RIMOC1: variants seen among roughly 807,000 people sequenced by gnomAD.
The protein encoded by RIMOC1 is RAB7A interacting MON1-CCZ1 complex subunit 1, also known as RAB7A-interacting MON1-CCZ1 complex subunit 1.
chr5:41,904,371 G>A, the RIMOC1 span: 3 of 1,613,300 alleles, frequency 1.9e-6, no homozygotes, highest in Non-Finnish European at 2.5e-6. Context: ...TGTGGCCATG[G>A]CGGCCGCAGT....
At chr5:41,904,562 C>T in the RIMOC1 span, 1 of 1,198,048 alleles carries the variant, frequency 8.3e-7, no homozygotes. Flanking sequence ...GGCCTGTGTT[C>T]CTTTGGGTCC....
chr5:41,915,248 A>T, the RIMOC1 span, among the ~76,000 whole-genome samples: 1 of 152,194 alleles, frequency 6.6e-6, no homozygotes, highest in African/African-American at 2.4e-5. Context: ...CTGGAATCAC[A>T]TGGAGGTAAA....
chr5:41,919,677 C>T, the RIMOC1 span: 5 of 152,156 alleles, frequency 3.3e-5, no homozygotes, highest in Admixed American at 3.3e-4. Context: ...AGTAGCCTTG[C>T]ACACATCATT....
At chr5:41,918,110 C>T in the RIMOC1 span, 1 of 985,704 alleles carries the variant, frequency 1.0e-6, no homozygotes, top group Non-Finnish European at 1.2e-6. Flanking sequence ...AACTTGATAT[C>T]TTGCTCATGG....
chr5:41,916,867 T>G, the RIMOC1 span: 1 of 563,410 alleles, frequency 1.8e-6, no homozygotes, highest in Non-Finnish European at 2.9e-6. Flanking sequence ...ATGAAGATTG[T>G]GTTAGTCATA....
At chr5:41,909,963 T>C in the RIMOC1 span, 1 of 1,238,000 alleles carries the variant, frequency 8.1e-7, no homozygotes, top group Non-Finnish European at 1.1e-6. Flanking sequence ...TTGGAGTCTA[T>C]ATTTTTTTCT....
the RIMOC1 span, chr5:41,911,463 G>T: frequency 1.2e-3 from 212 of 180,804 alleles, 2 homozygotes; most frequent in African/African-American, 4.5e-3. Context: ...AAAAATTTTT[G>T]TCCTGAAAGA....
the RIMOC1 span, chr5:41,919,429 A>G: frequency 1.3e-5 from 2 of 152,240 alleles, no homozygotes; most frequent in South Asian, 2.1e-4. Flanking sequence ...GGCAAAGGGA[A>G]TTTCTCAGTT....
chr5:41,912,582 G>T, the RIMOC1 span, among the ~76,000 whole-genome samples: 1 of 152,198 alleles, frequency 6.6e-6, no homozygotes, highest in African/African-American at 2.4e-5. Flanking sequence ...GGTGGAAGGG[G>T]AAGCAGGCAT....
chr5:41,904,618 T>G, the RIMOC1 span: 1 of 684,356 alleles, frequency 1.5e-6, no homozygotes, highest in Non-Finnish European at 2.5e-6. Flanking sequence ...TGAGCCCCTC[T>G]GCGCCATCGA....
At chr5:41,908,123 C>T in the RIMOC1 span, among the ~76,000 whole-genome samples, 1 of 151,282 alleles carries the variant, frequency 6.6e-6, no homozygotes, top group Non-Finnish European at 1.5e-5. Context: ...CTAGTGTGTG[C>T]AATGTCCAAT....
the RIMOC1 span, chr5:41,918,479 A>G: frequency 1.0e-6 from 1 of 985,276 alleles, no homozygotes; most frequent in Non-Finnish European, 1.2e-6. Flanking sequence ...TACTATATGA[A>G]CTAATCTCAC....
At chr5:41,920,821 A>C in the RIMOC1 span, 12 of 152,176 alleles carry the variant, frequency 7.9e-5, no homozygotes, top group African/African-American at 2.9e-4. Context: ...CTACACATAA[A>C]AGGTTTCTCT....
the RIMOC1 span, chr5:41,917,562 G>T: frequency 9.0e-7 from 1 of 1,105,710 alleles, no homozygotes; most frequent in Non-Finnish European, 1.1e-6. Context: ...ATAATGAGTA[G>T]TAACCCAATT....
the RIMOC1 span, chr5:41,911,104 C>G: frequency 6.2e-7 from 1 of 1,609,428 alleles, no homozygotes; most frequent in Non-Finnish European, 8.5e-7. Context: ...GACGAGGAGC[C>G]CTGCTGTATA....
At chr5:41,917,777 A>G in the RIMOC1 span, 6 of 896,656 alleles carry the variant, frequency 6.7e-6, no homozygotes, top group Non-Finnish European at 8.0e-6. Flanking sequence ...ATTATGACTA[A>G]TATTCAGATT....
chr5:41,916,730 T>C, the RIMOC1 span, among the ~76,000 whole-genome samples: 5 of 152,306 alleles, frequency 3.3e-5, no homozygotes, highest in East Asian at 3.9e-4. Flanking sequence ...AAAGAAGTTA[T>C]AGAGTGGACC....
At chr5:41,910,639 T>G in the RIMOC1 span, among the ~76,000 whole-genome samples, 1 of 151,980 alleles carries the variant, frequency 6.6e-6, no homozygotes, top group African/African-American at 2.4e-5. Context: ...CTTTAAAAAT[T>G]TTGATTTATT....
the RIMOC1 span, among the ~76,000 whole-genome samples, chr5:41,906,903 G>A: frequency 3.3e-5 from 5 of 152,202 alleles, no homozygotes; most frequent in African/African-American, 9.7e-5. Context: ...TTTCAGAAGG[G>A]AAGCACTGAG....
Sources: gnomAD v4.1 joint callset for allele counts (sites outside exome capture counted in the v4.1 genomes callset) on GRCh38, gnomAD v4.1.1 for gene constraint, MANE v1.5 for transcripts, NCBI Gene and HGNC (gene_info 2026-07-23, HGNC 2026-07-21) for gene names.